GRID1: variants seen among roughly 807,000 people sequenced by gnomAD.
GRID1 encodes the protein glutamate ionotropic receptor delta type subunit 1.
GRID1 carries 28 observed loss-of-function variants against 98.0 expected under a neutral mutation model. That is an observed-to-expected ratio of 0.29 (90% CI 0.21 to 0.39). The LOEUF is 0.39. Among genes scored for constraint, GRID1 ranks in the 10% least tolerant of loss-of-function variants. The pLI is 1.00. For missense variants in GRID1, 1,111 were observed against 1,340.5 expected (o/e 0.83, Z 2.67); for synonymous variants, 553 against 538.5 (o/e 1.03, Z -0.37).
At position 85,602,264 on chromosome 10, in the gene GRID1, G is replaced by A; in HGVS notation, c.*9C>T. 1 of 1,484,276 alleles carries A rather than the reference G, an allele frequency of 6.7e-7. No individual in the cohort carries two copies. Among genetic ancestry groups the A allele is most frequent in the Non-Finnish European group, 8.9e-7 (1 of 1,117,586 alleles). The allele number at this position is 1,484,276 out of a possible 1,614,324, so 91.9% of individuals were successfully genotyped here. ...GGTGGGAGGGTGGGCAGGAGGGCAG[G>A]CGGCGCAGTCAGATGGAGGTCCCGT... On this transcript the variant is annotated 3_prime_UTR_variant, in exon 16 of 16. Coordinates refer to ENST00000327946, the MANE Select transcript of GRID1 (RefSeq NM_017551.3).
chr10:85,841,609 A>G (rs1206927524), intron 8 of GRID1, among the ~76,000 whole-genome samples: 1 of 152,190 alleles, frequency 6.6e-6, no homozygotes, highest in African/African-American at 2.4e-5. Context: ...AATATTTAGT[A>G]TCTATAAGGA....
At chr10:85,879,270 C>T (rs1185761864) in intron 5 of GRID1, among the ~76,000 whole-genome samples, 1 of 152,042 alleles carries the variant, frequency 6.6e-6, no homozygotes, top group East Asian at 1.9e-4. Flanking sequence ...ACCAAGTGGA[C>T]CTAATAGACA....
chr10:85,855,352 A>C (rs1843099705), intron 7 of GRID1, among the ~76,000 whole-genome samples: 1 of 152,198 alleles, frequency 6.6e-6, no homozygotes, highest in Non-Finnish European at 1.5e-5. Context: ...GCCCAGGGTG[A>C]GATTCTCATC....
Position 85,613,625 on chromosome 10 carries a change from C to T in GRID1, c.2383G>A (p.Gly795Arg). 6.2e-7 allele frequency: 1 copy of T among 1,613,956 alleles called. No individual in the cohort carries two copies. Among genetic ancestry groups the T allele is most frequent in the South Asian group, 1.1e-5 (1 of 91,074 alleles). ...SQRILELQDT[G>R]DLDVLKQKWW... The stretch of plus-strand genomic sequence containing the variant: ...TTCTGCTTCAGCACATCCAGGTCCC[C>T]TGTGTCCTGCAGCTCCAGGATCCTG... Residue 795 changes from glycine to arginine, a missense_variant, in exon 15 of 16, where the codon GGG becomes AGG. Physicochemically the swap from Gly to Arg is moderately radical, Grantham distance 125 (BLOSUM62 -2). This residue lies in a region of GRID1 where 762 missense variants were observed against 869.1 expected (regional missense o/e 0.88). Coordinates refer to ENST00000327946, the MANE Select transcript of GRID1 (RefSeq NM_017551.3).
At chr10:85,770,091 T>G (rs1190084592) in intron 8 of GRID1, among the ~76,000 whole-genome samples, 1 of 152,196 alleles carries the variant, frequency 6.6e-6, no homozygotes, top group Non-Finnish European at 1.5e-5. Flanking sequence ...AGGGGCAGAC[T>G]GACACCTCAC....
intron 4 of GRID1, among the ~76,000 whole-genome samples, chr10:85,985,316 G>C (rs1053962029): frequency 1.3e-5 from 2 of 152,192 alleles, no homozygotes; most frequent in Admixed American, 6.5e-5. Context: ...CACTCTGATT[G>C]AAAGTCCAGG....
intron 4 of GRID1, among the ~76,000 whole-genome samples, chr10:85,919,939 A>AC (rs1841678874): frequency 6.6e-6 from 1 of 151,710 alleles, no homozygotes; most frequent in Non-Finnish European, 1.5e-5. Flanking sequence ...CACTCCCAAC[A>AC]CCAGCCAACA....
chr10:85,953,039 T>C (rs576758644), intron 4 of GRID1, among the ~76,000 whole-genome samples: 2 of 152,338 alleles, frequency 1.3e-5, no homozygotes, highest in South Asian at 4.1e-4. Context: ...ATAATATGTA[T>C]AACAAACACA....
intron 4 of GRID1, among the ~76,000 whole-genome samples, chr10:86,040,510 T>TAA (rs3057696): frequency 0.035 from 3,570 of 103,186 alleles, 211 homozygotes; most frequent in African/African-American, 0.11. Flanking sequence ...ACTCATATCT[T>TAA]AAAAAAAAAA....
intron 5 of GRID1, among the ~76,000 whole-genome samples, chr10:85,896,273 A>G (rs34902596): frequency 0.1 from 15,278 of 152,212 alleles, 942 homozygotes; most frequent in Middle Eastern, 0.2. Flanking sequence ...ACCCAATATA[A>G]TAATCAGAAC....
intron 8 of GRID1, among the ~76,000 whole-genome samples, chr10:85,775,235 C>A (rs1235676098): frequency 6.7e-6 from 1 of 149,180 alleles, no homozygotes; most frequent in South Asian, 2.1e-4. Flanking sequence ...AACAAAAAAC[C>A]AAACACCACA....
intron 14 of GRID1, among the ~76,000 whole-genome samples, chr10:85,618,226 C>G (rs538209592): frequency 3.1e-4 from 47 of 152,302 alleles, no homozygotes; most frequent in African/African-American, 1.0e-3. Flanking sequence ...GGGACTCTAA[C>G]CTTTCCTCGC....
At chr10:85,637,304 T>C (rs1367021995) in intron 13 of GRID1, among the ~76,000 whole-genome samples, 1 of 152,244 alleles carries the variant, frequency 6.6e-6, no homozygotes, top group Non-Finnish European at 1.5e-5. Context: ...AAATCATAAA[T>C]GTATAACCTA....
rs1431695791 is a variant in GRID1 at position 85,737,664 on chromosome 10, AT to A, written c.1234-8051del. On this transcript the variant is annotated intron_variant, in intron 8 of 15. Coordinates refer to ENST00000327946, the MANE Select transcript of GRID1 (RefSeq NM_017551.3). ...AAGCCAGATATATATATATATATAT[AT>A]ATATATATAAACATATATGGTTATA... Among the ~76,000 whole-genome samples the A allele has an allele frequency of 3.7e-4, 50 of 133,836 alleles. 5 individuals are homozygous for A. The highest frequency in any genetic ancestry group is 1.1e-3 in the African/African-American group (38 of 35,350). 87.8% of individuals were successfully genotyped at this position (133,836 alleles called of 152,430 possible).
intron 3 of GRID1, among the ~76,000 whole-genome samples, chr10:86,143,137 G>T (rs1254295423): frequency 6.6e-6 from 1 of 152,182 alleles, no homozygotes; most frequent in Non-Finnish European, 1.5e-5. Flanking sequence ...CAGTGTTCCT[G>T]AGGGACAGCA....
chr10:86,261,508 C>T (rs1021256789), intron 2 of GRID1, among the ~76,000 whole-genome samples: 3 of 152,190 alleles, frequency 2.0e-5, no homozygotes, highest in Non-Finnish European at 4.4e-5. Context: ...CTGGAGAGCA[C>T]CCAATGTACT....
At chr10:86,086,519 G>A (rs935771829) in intron 4 of GRID1, among the ~76,000 whole-genome samples, 13 of 152,190 alleles carry the variant, frequency 8.5e-5, no homozygotes, top group African/African-American at 2.4e-4. Flanking sequence ...GATAGTCAGC[G>A]ACAGGGCTGG....
chr10:86,158,351 C>CTA (rs1845274977), intron 3 of GRID1, among the ~76,000 whole-genome samples: 1 of 152,152 alleles, frequency 6.6e-6, no homozygotes, highest in Non-Finnish European at 1.5e-5. Flanking sequence ...GAATTAAAGG[C>CTA]CAGGTATTTG....
intron 2 of GRID1, among the ~76,000 whole-genome samples, chr10:86,232,209 G>GC (rs1846466481): frequency 6.6e-6 from 1 of 152,160 alleles, no homozygotes; most frequent in Admixed American, 6.5e-5. Context: ...GAGGGCCCCA[G>GC]GGGAATAACG....
Sources: allele counts gnomAD v4.1 joint callset (sites outside exome capture counted in the v4.1 genomes callset), GRCh38; gene constraint gnomAD v4.1.1; regional missense constraint gnomAD v4.1.1; transcripts MANE v1.5; gene names NCBI Gene and HGNC (gene_info 2026-07-23, HGNC 2026-07-21).